Variants in CCDC171 observed in about 807,000 individuals in gnomAD.
CCDC171 encodes coiled-coil domain-containing protein 171.
A neutral mutation model predicts 168.2 loss-of-function variants in CCDC171; 177 were observed. The ratio of observed to expected loss-of-function variants is 1.05; its 90% CI spans 0.93 to 1.19. The LOEUF is 1.19. Ranked by LOEUF, CCDC171 falls within the 50% of genes most tolerant of loss-of-function variation. CCDC171 has a pLI of 0.00. For synonymous variants in CCDC171, 687 were observed against 540.8 expected (o/e 1.27, Z -3.75); for missense variants, 1,991 against 1,539.0 (o/e 1.29, Z -4.91).
At chr9:15,921,845 G>A (rs1048971295) in intron 25 of CCDC171, among the ~76,000 whole-genome samples, 2 of 151,308 alleles carry the variant, frequency 1.3e-5, no homozygotes, top group Admixed American at 1.3e-4. Flanking sequence ...TGATTTGATT[G>A]GTTAATTTTA....
chr9:15,894,121 T>A (rs1488778480), intron 24 of CCDC171, among the ~76,000 whole-genome samples: 1 of 152,170 alleles, frequency 6.6e-6, no homozygotes, highest in East Asian at 1.9e-4. Context: ...GTCGTGTTCT[T>A]TGTGGGAACA....
chr9:15,999,982 A>C (rs978631488), intron 3 of CCDC171, among the ~76,000 whole-genome samples: 3 of 152,150 alleles, frequency 2.0e-5, no homozygotes, highest in African/African-American at 4.8e-5. Context: ...TGTAATTTGG[A>C]GTTAAGGTAG....
intron 3 of CCDC171, among the ~76,000 whole-genome samples, chr9:16,017,625 G>T (rs1436015260): frequency 6.6e-6 from 1 of 152,172 alleles, no homozygotes; most frequent in Non-Finnish European, 1.5e-5. Flanking sequence ...AACTTGCAGT[G>T]TAGAGAATAC....
chr9:15,844,083 C>T (rs1360344686), intron 21 of CCDC171, among the ~76,000 whole-genome samples: 1 of 152,084 alleles, frequency 6.6e-6, no homozygotes, highest in Non-Finnish European at 1.5e-5. Context: ...ATCAGAACAT[C>T]ACACTTTCAC....
At chr9:15,762,718 T>C (rs7036775) in intron 18 of CCDC171, among the ~76,000 whole-genome samples, 67,509 of 152,006 alleles carry the variant, frequency 0.44, 15,328 homozygotes, top group Non-Finnish European at 0.48. Flanking sequence ...TGACTAGTTG[T>C]GAAAAATGTA....
chr9:15,822,237 A>T (rs1201611199), intron 21 of CCDC171, among the ~76,000 whole-genome samples: 1 of 152,180 alleles, frequency 6.6e-6, no homozygotes, highest in African/African-American at 2.4e-5. Context: ...ACCCTAGAAG[A>T]AAACCTAGGC....
chr9:15,829,762 A>C (rs941706536), intron 21 of CCDC171, among the ~76,000 whole-genome samples: 1 of 152,028 alleles, frequency 6.6e-6, no homozygotes, highest in Non-Finnish European at 1.5e-5. Flanking sequence ...TCTACTAAAA[A>C]ATAAAAAATT....
At chr9:15,921,276 T>C (rs1489121869) in intron 25 of CCDC171, among the ~76,000 whole-genome samples, 1 of 151,692 alleles carries the variant, frequency 6.6e-6, no homozygotes, top group East Asian at 1.9e-4. Context: ...CCTCACCTTC[T>C]AGTCTTGGCT....
At chr9:15,992,353 GAAAAGGCCTTTGAC>G (rs1205258336) in intron 3 of CCDC171, among the ~76,000 whole-genome samples, 12 of 152,160 alleles carry the variant, frequency 7.9e-5, no homozygotes, top group East Asian at 1.9e-4. Context: ...AATAGATGCA[GAAAAGGCCTTTGAC>G]AAAAGGCCTT....
intron 18 of CCDC171, among the ~76,000 whole-genome samples, chr9:15,775,640 A>G (rs528976886): frequency 6.6e-6 from 1 of 152,266 alleles, no homozygotes; most frequent in African/African-American, 2.4e-5. Context: ...TTTAATTACA[A>G]TTAATTTGTG....
intron 3 of CCDC171, among the ~76,000 whole-genome samples, chr9:15,989,345 A>T (rs1038701471): frequency 1.3e-5 from 2 of 152,228 alleles, no homozygotes; most frequent in East Asian, 3.8e-4. Flanking sequence ...AGCAAACTCC[A>T]ACAGACCTGC....
chr9:15,987,969 C>A (rs536605990), intron 3 of CCDC171, among the ~76,000 whole-genome samples: 9 of 152,192 alleles, frequency 5.9e-5, no homozygotes, highest in African/African-American at 2.2e-4. Context: ...TCTCAGCCAC[C>A]CTTGTGGACA....
At chr9:15,897,994 A>T (rs775957748) in intron 24 of CCDC171, among the ~76,000 whole-genome samples, 2 of 152,210 alleles carry the variant, frequency 1.3e-5, no homozygotes, top group African/African-American at 2.4e-5. Context: ...TAGTCTATAA[A>T]GATAATATGA....
chr9:15,958,446 C>G (rs574258383), intron 25 of CCDC171, among the ~76,000 whole-genome samples: 1 of 151,042 alleles, frequency 6.6e-6, no homozygotes, highest in African/African-American at 2.4e-5. Context: ...CAGGTCTAAG[C>G]AAACATAAGA....
intron 10 of CCDC171, among the ~76,000 whole-genome samples, chr9:15,684,213 C>G (rs1462275504): frequency 1.3e-5 from 2 of 151,980 alleles, no homozygotes; most frequent in African/African-American, 4.8e-5. Flanking sequence ...AGAATTTCTT[C>G]ATAATTGCTT....
intron 7 of CCDC171, among the ~76,000 whole-genome samples, chr9:15,649,792 C>G (rs1405205633): frequency 2.0e-5 from 3 of 152,214 alleles, no homozygotes; most frequent in Non-Finnish European, 4.4e-5. Flanking sequence ...CATTTTTACA[C>G]TGTTGGAAGG....
intron 8 of CCDC171, among the ~76,000 whole-genome samples, chr9:15,662,286 T>TC (rs917121788): frequency 2.4e-5 from 3 of 126,704 alleles, no homozygotes; most frequent in African/African-American, 6.0e-5. Flanking sequence ...CCATCCCCCC[T>TC]CCCCCCCAAA....
intron 7 of CCDC171, among the ~76,000 whole-genome samples, chr9:15,639,098 C>T (rs945701726): frequency 4.6e-5 from 7 of 151,944 alleles, no homozygotes; most frequent in South Asian, 4.1e-4. Context: ...TCTCTAAATG[C>T]GTACTATCTT....
intron 8 of CCDC171, among the ~76,000 whole-genome samples, chr9:15,659,874 G>A (rs1329680238): frequency 3.9e-5 from 6 of 152,076 alleles, no homozygotes; most frequent in Non-Finnish European, 5.9e-5. Flanking sequence ...TCACCACTCC[G>A]TTACTTTATT....
Sources: gnomAD v4.1 joint callset for allele counts (sites outside exome capture counted in the v4.1 genomes callset) on GRCh38, gnomAD v4.1.1 for gene constraint, MANE v1.5 for transcripts, NCBI Gene and HGNC (gene_info 2026-07-23, HGNC 2026-07-21) for gene names.